The following FUT8 variants were observed in gnomAD, a reference collection of about 807,000 sequenced individuals.
FUT8 encodes the protein fucosyltransferase 8.
A neutral mutation model predicts 71.3 loss-of-function variants in FUT8; 29 were observed. The ratio of observed to expected loss-of-function variants is 0.41; its 90% confidence interval spans 0.30 to 0.55. FUT8 has a LOEUF of 0.55. Ranked by LOEUF, FUT8 falls within the 20% of genes least tolerant of loss-of-function variation. FUT8 has a pLI of 0.34. For missense variants in FUT8, 544 were observed against 702.1 expected (o/e 0.77, Z 2.55); for synonymous variants, 254 against 239.3 (o/e 1.06, Z -0.57).
intron 2 of FUT8, among the ~76,000 whole-genome samples, chr14:65,518,509 T>G (rs1371610162): frequency 6.6e-6 from 1 of 152,090 alleles, no homozygotes; most frequent in Non-Finnish European, 1.5e-5. Context: ...TGACTGTGGC[T>G]TCATTTTTAT....
chr14:65,604,795 A>C (rs1296623845), intron 3 of FUT8, among the ~76,000 whole-genome samples: 1 of 151,878 alleles, frequency 6.6e-6, no homozygotes, highest in Non-Finnish European at 1.5e-5. Context: ...AAAACAATAC[A>C]AAAGATAAAT....
rs183669278 is a variant in FUT8, at chr14:65,484,022, C to T, written c.-228+28304C>T. On this transcript the variant is annotated intron_variant, in intron 2 of 10. Transcript: ENST00000673929. Reference sequence around the variant, plus strand: ...GATTAAAGGCGTGAGCCACCACACCCGGCCAATAACATACAATTTTTAATT... The same window carrying T: ...GATTAAAGGCGTGAGCCACCACACCTGGCCAATAACATACAATTTTTAATT... 3.4e-4 allele frequency among the ~76,000 whole-genome samples: 52 copies of T among 152,252 alleles called. 2 individuals are homozygous for T. In the South Asian group the frequency reaches 5.8e-3, roughly 17 times the overall value.
At chr14:65,625,145 A>G (rs1207425531) in intron 5 of FUT8, among the ~76,000 whole-genome samples, 3 of 152,128 alleles carry the variant, frequency 2.0e-5, no homozygotes, top group African/African-American at 7.2e-5. Flanking sequence ...CCTATTTGAT[A>G]GGTAGGAAAA....
chr14:65,509,854 C>A (rs1385103611), intron 2 of FUT8, among the ~76,000 whole-genome samples: 1 of 151,840 alleles, frequency 6.6e-6, no homozygotes, highest in Non-Finnish European at 1.5e-5. Flanking sequence ...TATGTTTTTC[C>A]AAATATATGA....
At chr14:65,453,329 C>T (rs899376046) in intron 1 of FUT8, among the ~76,000 whole-genome samples, 1 of 152,012 alleles carries the variant, frequency 6.6e-6, no homozygotes, top group Non-Finnish European at 1.5e-5. Context: ...GAACTTTTTC[C>T]TGGTCTGTAT....
Position 65,641,022 on chromosome 14 carries a change from T to C in FUT8, c.597+11416T>C, listed in dbSNP as rs547735207. ...TTTCTTCTACAGCCTTATTGAGATA[T>C]AGTTGACACAAAATAAACGGCACAT... On this transcript the variant is annotated intron_variant, in intron 6 of 10. Transcript: ENST00000673929. 3.3e-5 allele frequency among the ~76,000 whole-genome samples: 5 copies of C among 152,286 alleles called. No homozygotes were observed. In the South Asian group the frequency reaches 8.3e-4, roughly 25 times the overall value.
the FUT8 span, among the ~76,000 whole-genome samples, chr14:65,374,514 A>C: frequency 2.6e-5 from 4 of 152,080 alleles, no homozygotes; most frequent in Admixed American, 1.3e-4. Flanking sequence ...GTATTTTGGC[A>C]CTATTGGTTC....
At chr14:65,418,935 A>T (rs1052760164) in intron 1 of FUT8, among the ~76,000 whole-genome samples, 1 of 152,214 alleles carries the variant, frequency 6.6e-6, no homozygotes, top group Admixed American at 6.5e-5. Flanking sequence ...ATTTATTAAA[A>T]ATGATTTTAT....
rs1455723746 is a variant in FUT8, at chr14:65,599,563, C to G, written c.204-16415C>G. Reference sequence around the variant, plus strand: ...GGACCTATGTCATATAAAGGCCTTACAGCTCTGTTTCAGGAAGCCCATACT... The same window carrying G: ...GGACCTATGTCATATAAAGGCCTTAGAGCTCTGTTTCAGGAAGCCCATACT... On this transcript the variant is annotated intron_variant, in intron 3 of 10. Transcript: ENST00000673929. Among the ~76,000 whole-genome samples, 6 of 152,324 alleles carry G rather than the reference C, an allele frequency of 3.9e-5. 1 individual carries two copies. The highest frequency in any genetic ancestry group is 4.1e-4 in the South Asian group (2 of 4,820).
chr14:65,728,846 T>A (rs1330581971), intron 9 of FUT8, among the ~76,000 whole-genome samples: 1 of 152,094 alleles, frequency 6.6e-6, no homozygotes, highest in African/African-American at 2.4e-5. Flanking sequence ...CCATCTAGGT[T>A]TTTGTAAATA....
At chr14:65,572,001 C>A (rs1210287988) in intron 3 of FUT8, among the ~76,000 whole-genome samples, 1 of 152,120 alleles carries the variant, frequency 6.6e-6, no homozygotes, top group East Asian at 1.9e-4. Context: ...CAAGATTTAA[C>A]AATCCACTTT....
At chr14:65,551,918 A>G (rs1885309258) in intron 2 of FUT8, among the ~76,000 whole-genome samples, 1 of 152,156 alleles carries the variant, frequency 6.6e-6, no homozygotes, top group Admixed American at 6.5e-5. Flanking sequence ...TGTTTGTGAT[A>G]AAATAGCTTA....
intron 9 of FUT8, among the ~76,000 whole-genome samples, chr14:65,725,414 G>A (rs1219597512): frequency 2.0e-5 from 3 of 152,248 alleles, no homozygotes; most frequent in African/African-American, 7.2e-5. Flanking sequence ...CACAAATCCT[G>A]ATTGGACACT....
intron 3 of FUT8, among the ~76,000 whole-genome samples, chr14:65,569,865 A>G (rs1335223923): frequency 6.6e-6 from 1 of 152,078 alleles, no homozygotes; most frequent in Non-Finnish European, 1.5e-5. Flanking sequence ...GTGATTGAAC[A>G]TGGCTGTGTT....
Position 65,672,602 on chromosome 14 carries a change from G to C in FUT8, c.835+3122G>C, listed in dbSNP as rs1462988983. The stretch of plus-strand genomic sequence containing the variant: ...AGCCCCCACAGCACCTGGGACTACA[G>C]GCATGCTCCATCATGCCCAGCTAGT... On this transcript the variant is annotated intron_variant, in intron 7 of 10. Coordinates refer to ENST00000673929, the MANE Select transcript of FUT8 (RefSeq NM_001371533.1). Among the ~76,000 whole-genome samples, 3 of 152,184 alleles carry C rather than the reference G, an allele frequency of 2.0e-5. No homozygotes were observed. In the South Asian group the frequency reaches 6.2e-4, roughly 32 times the overall value.
At chr14:65,400,876 C>A in the FUT8 span, among the ~76,000 whole-genome samples, 1 of 152,120 alleles carries the variant, frequency 6.6e-6, no homozygotes, top group South Asian at 2.1e-4. Context: ...CAGTGGGAGA[C>A]CCTGTCTCAA....
chr14:65,615,784 G>A (rs1259956678), intron 3 of FUT8, among the ~76,000 whole-genome samples, 194 bp from the exon 4 acceptor site: 1 of 152,100 alleles, frequency 6.6e-6, no homozygotes, highest in Admixed American at 6.5e-5. Flanking sequence ...TCTATTTTTC[G>A]TTATTATCAT....
At chr14:65,383,299 A>C in the FUT8 span, among the ~76,000 whole-genome samples, 1 of 119,016 alleles carries the variant, frequency 8.4e-6, no homozygotes, top group Non-Finnish European at 1.6e-5. Flanking sequence ...TTTTGAAACA[A>C]AGTCTTGCTC....
intron 7 of FUT8, among the ~76,000 whole-genome samples, chr14:65,686,153 CT>C (rs1893276587): frequency 6.6e-6 from 1 of 152,140 alleles, no homozygotes; most frequent in Admixed American, 6.5e-5. Flanking sequence ...GAGAAGACAC[CT>C]CAGAAATGGA....
Sources: gnomAD v4.1 joint callset for allele counts (sites outside exome capture counted in the v4.1 genomes callset) on GRCh38, gnomAD v4.1.1 for gene constraint, MANE v1.5 for transcripts, NCBI Gene and HGNC (gene_info 2026-07-23, HGNC 2026-07-21) for gene names.